SETD3: variants seen among roughly 807,000 people sequenced by gnomAD.
SETD3 encodes the protein SET domain containing 3, actin N3(tau)-histidine methyltransferase.
SETD3 carries 19 observed loss-of-function variants against 63.0 expected under a neutral mutation model. The observed-to-expected ratio is 0.30, with a 90% confidence interval of 0.21 to 0.44. The LOEUF (loss-of-function observed/expected upper bound fraction) is 0.44, where lower values mean the gene tolerates loss of function less well. SETD3 is among the 20% of genes least tolerant of loss of function. The pLI is 1.00. For synonymous variants in SETD3, 286 were observed against 264.1 expected (o/e 1.08, Z -0.80); for missense variants, 587 against 728.5 (o/e 0.81, Z 2.24).
At chr14:99,429,198 C>T (rs1383857316) in intron 6 of SETD3, among the ~76,000 whole-genome samples, 1 of 152,068 alleles carries the variant, frequency 6.6e-6, no homozygotes, top group Non-Finnish European at 1.5e-5. Flanking sequence ...ATCCAGGAAC[C>T]CAGTAAATGT....
chr14:99,406,542 G>C lies in SETD3; in HGVS notation c.898C>G (p.Leu300Val), dbSNP rs1422357947. The change falls in exon 9 of 13, where the codon CTG (leucine) becomes GTG (valine). Residue 300 changes from leucine (L) to valine (V), a missense_variant. Coordinates refer to ENST00000331768, the MANE Select transcript of SETD3 (RefSeq NM_032233.3). ...LEDDRCECVA[L>V]QDFRAGEQIY... is the part of the protein sequence containing the mutation. The stretch of plus-strand genomic sequence containing the variant: ...TGCTCTCCAGCCCGAAAATCCTGCA[G>C]AGCCACACACTCACAGCGGTCATCT... 2 of 1,614,068 alleles carry C rather than the reference G, an allele frequency of 1.2e-6. No individual in the cohort carries two copies. Among genetic ancestry groups the C allele is most frequent in the Non-Finnish European group, 1.7e-6 (2 of 1,180,050 alleles).
chr14:99,477,748 C>CAA (rs5810954), intron 1 of SETD3, among the ~76,000 whole-genome samples: 3,095 of 129,940 alleles, frequency 0.024, 144 homozygotes, highest in African/African-American at 0.078. Flanking sequence ...AACTCCATCT[C>CAA]AAAAAAAAAA....
At chr14:99,434,570 G>T (rs1218704600) in intron 6 of SETD3, among the ~76,000 whole-genome samples, 3 of 152,156 alleles carry the variant, frequency 2.0e-5, no homozygotes, top group Admixed American at 6.5e-5. Flanking sequence ...TAACCTGCCT[G>T]GGTGTGGTGG....
At chr14:99,438,251 G>A (rs934321068) in intron 6 of SETD3, among the ~76,000 whole-genome samples, 3 of 152,220 alleles carry the variant, frequency 2.0e-5, no homozygotes, top group Non-Finnish European at 4.4e-5. Context: ...GGTTGGGTGA[G>A]CACTTCCATT....
intron 6 of SETD3, among the ~76,000 whole-genome samples, chr14:99,424,534 C>T (rs1346802315): frequency 6.6e-6 from 1 of 152,148 alleles, no homozygotes; most frequent in African/African-American, 2.4e-5. Flanking sequence ...ATCTCAAAGG[C>T]ATGGGGGCTG....
At chr14:99,413,617 C>G (rs1196773545) in intron 7 of SETD3, among the ~76,000 whole-genome samples, 1 of 152,206 alleles carries the variant, frequency 6.6e-6, no homozygotes, top group Non-Finnish European at 1.5e-5. Context: ...CCACCCAACA[C>G]TAATGTTAAT....
At chr14:99,428,853 T>C (rs920185872) in intron 6 of SETD3, among the ~76,000 whole-genome samples, 1 of 152,108 alleles carries the variant, frequency 6.6e-6, no homozygotes, top group African/African-American at 2.4e-5. Flanking sequence ...AAGGCACCCT[T>C]CCCCAGTCAC....
intron 6 of SETD3, among the ~76,000 whole-genome samples, chr14:99,417,547 A>G (rs899466085): frequency 5.3e-5 from 8 of 152,252 alleles, no homozygotes; most frequent in Admixed American, 4.6e-4. Flanking sequence ...GAAATGAGAG[A>G]TACAGACATG....
chr14:99,404,254 G>C lies in SETD3; in HGVS notation c.1148C>G (p.Ala383Gly). The C allele has an allele frequency of 1.9e-6, 3 of 1,614,078 alleles. No homozygotes were observed. Among genetic ancestry groups the C allele is most frequent in the Non-Finnish European group, 2.5e-6 (3 of 1,179,988 alleles). The change falls in exon 11 of 13, where the codon GCT (alanine) becomes GGT (glycine). Residue 383 changes from alanine to glycine, a missense_variant. By Grantham distance (60) the Ala-to-Gly change is moderately conservative (BLOSUM62 0). Coordinates refer to ENST00000331768, the MANE Select transcript of SETD3 (RefSeq NM_032233.3). The stretch of plus-strand genomic sequence containing the variant: ...AGTCATACAGAATACTCGGAGAAAA[G>C]CCAAAAGCTGAGCAGAGATGGGCGG... Reference protein sequence around the residue: ...TEPPISAQLLAFLRVFCMTEE... With the variant: ...TEPPISAQLLGFLRVFCMTEE...
At chr14:99,413,255 T>A (rs1892105343) in intron 7 of SETD3, 190 bp from the exon 8 acceptor site, 3 of 560,880 alleles carry the variant, frequency 5.3e-6, no homozygotes, top group Non-Finnish European at 9.5e-6. Context: ...CCAGGGGAAA[T>A]GCAGGAGTGA....
chr14:99,415,954 C>T (rs1281993170), intron 6 of SETD3, among the ~76,000 whole-genome samples: 2 of 152,146 alleles, frequency 1.3e-5, no homozygotes, highest in Non-Finnish European at 2.9e-5. Context: ...TTTAAAGCAA[C>T]TTACTGTAAA....
intron 6 of SETD3, among the ~76,000 whole-genome samples, chr14:99,457,725 T>C (rs898007189): frequency 6.6e-6 from 1 of 152,208 alleles, no homozygotes; most frequent in Admixed American, 6.5e-5. Flanking sequence ...AAGATAACGG[T>C]GGCCACACCA....
upstream of SETD3, among the ~76,000 whole-genome samples, chr14:99,484,239 T>C (rs546343701): frequency 3.3e-5 from 5 of 152,380 alleles, no homozygotes; most frequent in East Asian, 7.7e-4. Flanking sequence ...AGTCAGGTTG[T>C]TTCGTGTCTC....
intron 6 of SETD3, among the ~76,000 whole-genome samples, chr14:99,422,895 G>A (rs1369469243): frequency 1.3e-5 from 2 of 152,188 alleles, no homozygotes; most frequent in African/African-American, 2.4e-5. Context: ...GGAGCCCCGC[G>A]GCCCCCAAGG....
rs772710604 is a variant in SETD3, at chr14:99,400,157, CAA to C, written c.1278_1279del (p.Trp427AspfsTer4). On this transcript the variant is annotated frameshift_variant, in exon 12 of 13. Coordinates refer to ENST00000331768, the MANE Select transcript of SETD3 (RefSeq NM_032233.3). LOFTEE classifies it high-confidence loss of function. ...TGAGGCTCTATCTTCAAGAAATGTC[CAA>C]AGTTTGACCTCGTTGTCCCAGCTAA... is the stretch of plus-strand genomic sequence containing the variant. 9 of 1,613,900 alleles carry C rather than the reference CAA, an allele frequency of 5.6e-6. No individual in the cohort carries two copies.
chr14:99,427,414 TGTGA>T (rs1168608800), intron 6 of SETD3, among the ~76,000 whole-genome samples: 4 of 152,170 alleles, frequency 2.6e-5, no homozygotes, highest in East Asian at 1.9e-4. Context: ...GTGCTACTCT[TGTGA>T]GTAAGTGTGA....
chr14:99,445,124 T>C (rs1286958940), intron 6 of SETD3, among the ~76,000 whole-genome samples: 1 of 152,140 alleles, frequency 6.6e-6, no homozygotes, highest in East Asian at 1.9e-4. Context: ...TTGGCAAATA[T>C]CCCAAATGAA....
intron 6 of SETD3, among the ~76,000 whole-genome samples, chr14:99,428,635 T>A (rs1893010347): frequency 2.6e-5 from 4 of 151,798 alleles, no homozygotes; most frequent in Admixed American, 2.6e-4. Context: ...ACAGAGTAAG[T>A]CCCCGTCTCA....
At chr14:99,405,070 T>A (rs982295434) in intron 10 of SETD3, 135 bp downstream of exon 10, 3 of 1,263,352 alleles carry the variant, frequency 2.4e-6, no homozygotes, top group East Asian at 2.5e-5. Flanking sequence ...TGGCTTAAAT[T>A]TGCTGTGCCA....
Sources: gnomAD v4.1 joint callset for allele counts (sites outside exome capture counted in the v4.1 genomes callset) on GRCh38, gnomAD v4.1.1 for gene constraint, MANE v1.5 for transcripts, NCBI Gene and HGNC (gene_info 2026-07-23, HGNC 2026-07-21) for gene names.